WBP1L: variants seen among roughly 807,000 people sequenced by gnomAD.
WBP1L encodes the protein WW domain binding protein 1 like.
A neutral mutation model predicts 33.7 loss-of-function variants in WBP1L; 17 were observed. The ratio of observed to expected loss-of-function variants is 0.50; its 90% CI spans 0.34 to 0.76. The LOEUF is 0.76. WBP1L is among the 30% of genes least tolerant of loss of function. WBP1L has a pLI of 0.01. For synonymous variants in WBP1L, 173 were observed against 190.8 expected, an observed-to-expected ratio of 0.91 and a Z score of 0.77; for missense variants, 389 against 469.4, an observed-to-expected ratio of 0.83 and a Z score of 1.58.
chr10:102,756,919 G>T (rs1320709999), intron 1 of WBP1L, among the ~76,000 whole-genome samples: 2 of 150,362 alleles, frequency 1.3e-5, no homozygotes, highest in African/African-American at 4.9e-5. Flanking sequence ...ACAGAGTCTC[G>T]ATCTGTTGCC....
chr10:102,747,819 TGCC>T (rs1842882232), intron 1 of WBP1L, among the ~76,000 whole-genome samples: 1 of 152,038 alleles, frequency 6.6e-6, no homozygotes, highest in Non-Finnish European at 1.5e-5. Context: ...TGAGCCACTC[TGCC>T]CAGCCTAAAC....
At chr10:102,799,357 C>A (rs1843619078) in intron 2 of WBP1L, among the ~76,000 whole-genome samples, 1 of 151,970 alleles carries the variant, frequency 6.6e-6, no homozygotes, top group Non-Finnish European at 1.5e-5. Context: ...CATGTGGAAA[C>A]CATCTTTGTC....
chr10:102,784,566 C>T (rs1328790953), intron 1 of WBP1L, among the ~76,000 whole-genome samples: 1 of 151,704 alleles, frequency 6.6e-6, no homozygotes, highest in Non-Finnish European at 1.5e-5. Context: ...GCTGGGACTA[C>T]AGGCGCCCGC....
At chr10:102,776,299 C>T (rs2134042057) in intron 1 of WBP1L, 1 of 1,612,372 alleles carries the variant, frequency 6.2e-7, no homozygotes, top group Non-Finnish European at 8.5e-7. Flanking sequence ...GACCACCGCA[C>T]ACACAGGCCC....
chr10:102,779,003 G>T (rs1261508678), intron 1 of WBP1L, among the ~76,000 whole-genome samples: 2 of 152,074 alleles, frequency 1.3e-5, no homozygotes, highest in Non-Finnish European at 2.9e-5. Flanking sequence ...GGTAATTGAA[G>T]ATTTTTGTTG....
At chr10:102,769,430 T>C (rs1428930595) in intron 1 of WBP1L, among the ~76,000 whole-genome samples, 1 of 151,804 alleles carries the variant, frequency 6.6e-6, no homozygotes, top group Non-Finnish European at 1.5e-5. Context: ...CTTGTGTGAC[T>C]GTGTTTGTCC....
chr10:102,792,677 C>T (rs1223761781), intron 1 of WBP1L, among the ~76,000 whole-genome samples: 1 of 150,098 alleles, frequency 6.7e-6, no homozygotes, highest in Non-Finnish European at 1.5e-5. Context: ...TCACCACAGC[C>T]TCCACCTCCC....
intron 1 of WBP1L, among the ~76,000 whole-genome samples, chr10:102,764,849 T>C (rs769240234): frequency 1.3e-5 from 2 of 152,202 alleles, no homozygotes; most frequent in East Asian, 1.9e-4. Flanking sequence ...CCAGACCTTA[T>C]TAACTTTCAC....
rs546848455 is a variant in WBP1L at position 102,798,749 on chromosome 10, T to C, written c.193+654T>C. On this transcript the variant is annotated intron_variant, in intron 2 of 3. Transcript: ENST00000448841. ...GCTTGCTGTTTTTGCAGAGAGAGGTTGCAAGCCAAGCTACTATGAATGCCA... is the reference window on the plus strand; with the variant it reads ...GCTTGCTGTTTTTGCAGAGAGAGGTCGCAAGCCAAGCTACTATGAATGCCA... Among the ~76,000 whole-genome samples, 11 of 152,280 alleles carry C rather than the reference T, an allele frequency of 7.2e-5. No homozygotes were observed. The East Asian group carries it at 2.1e-3, about 29-fold the overall frequency.
chr10:102,755,937 C>T (rs1481011313), intron 1 of WBP1L, among the ~76,000 whole-genome samples: 3 of 151,142 alleles, frequency 2.0e-5, no homozygotes, highest in Non-Finnish European at 2.9e-5. Context: ...CCCAGCTACT[C>T]GGGAGGCTGA....
chr10:102,766,807 GA>G (rs1201403171), intron 1 of WBP1L, among the ~76,000 whole-genome samples: 2 of 145,082 alleles, frequency 1.4e-5, no homozygotes, highest in African/African-American at 5.2e-5. Flanking sequence ...ACTCCAGCCT[GA>G]GCGACAGAGC....
At chr10:102,778,821 T>G (rs1026198462) in intron 1 of WBP1L, among the ~76,000 whole-genome samples, 3 of 152,216 alleles carry the variant, frequency 2.0e-5, no homozygotes, top group Admixed American at 2.0e-4. Flanking sequence ...TTCATCTTTA[T>G]CGTACATATG....
chr10:102,809,644 G>A (rs1454116946), intron 2 of WBP1L, among the ~76,000 whole-genome samples: 3 of 152,198 alleles, frequency 2.0e-5, no homozygotes, highest in Non-Finnish European at 4.4e-5. Flanking sequence ...TTACAGGCAT[G>A]AGCCACCACG....
chr10:102,798,932 A>G (rs772982194), intron 2 of WBP1L, among the ~76,000 whole-genome samples: 9 of 152,242 alleles, frequency 5.9e-5, no homozygotes, highest in Non-Finnish European at 1.2e-4. Context: ...TTCTGGAGAA[A>G]GGGAGTCTTG....
chr10:102,793,796 T>C (rs903068668), intron 1 of WBP1L, among the ~76,000 whole-genome samples: 11 of 151,368 alleles, frequency 7.3e-5, no homozygotes, highest in African/African-American at 1.2e-4. Flanking sequence ...TGAGACAGGG[T>C]CTGGCTCTGT....
rs763657460 is a variant in WBP1L, at chr10:102,812,792, C to T, written c.553C>T (p.Pro185Ser). Residue 185 changes from proline to serine, a missense_variant, in exon 4 of 4, where the codon CCC (proline) becomes TCC (serine). Pro to Ser is a moderately conservative substitution (Grantham distance 74, BLOSUM62 -1). Transcript: ENST00000448841. ...QGAQSSPLSE[P>S]SRSSTRPPSI... ...GGCACAGAGCAGCCCCTTGTCTGAG[C>T]CCAGCAGAAGCAGCACAAGACCCCC... The T allele has an allele frequency of 1.9e-6, 3 of 1,606,524 alleles. No homozygotes were observed. The highest frequency in any genetic ancestry group is 1.1e-5 in the South Asian group (1 of 90,200).
At chr10:102,749,922 C>T (rs1842909049) in intron 1 of WBP1L, among the ~76,000 whole-genome samples, 1 of 150,760 alleles carries the variant, frequency 6.6e-6, no homozygotes, top group African/African-American at 2.4e-5. Context: ...GGATTACAAG[C>T]ACTGCCACCA....
At chr10:102,784,922 G>T (rs190226429) in intron 1 of WBP1L, among the ~76,000 whole-genome samples, 25 of 150,884 alleles carry the variant, frequency 1.7e-4, no homozygotes, top group African/African-American at 5.4e-4. Context: ...TGTTACCTGG[G>T]CTGGAGTGCA....
At chr10:102,809,796 C>T in intron 2 of WBP1L, 97 bp from the exon 3 acceptor site, 2 of 1,397,470 alleles carry the variant, frequency 1.4e-6, no homozygotes, top group Non-Finnish European at 1.9e-6. Flanking sequence ...CAGCTTCAAC[C>T]ACGTGGGCAC....
Sources: allele counts gnomAD v4.1 joint callset (sites outside exome capture counted in the v4.1 genomes callset), GRCh38; gene constraint gnomAD v4.1.1; transcripts MANE v1.5; gene names NCBI Gene and HGNC (gene_info 2026-07-23, HGNC 2026-07-21).